TRAK1: variants seen among roughly 807,000 people sequenced by gnomAD.
The protein encoded by TRAK1 is trafficking kinesin protein 1, also known as trafficking kinesin-binding protein 1.
Under a neutral mutation model 92.1 loss-of-function variants are expected in TRAK1, and 33 were observed. That is an observed-to-expected ratio of 0.36 (90% confidence interval 0.27 to 0.48). TRAK1 has a LOEUF of 0.48. Ranked by LOEUF, TRAK1 falls within the 20% of genes least tolerant of loss-of-function variation. The pLI is 0.99. For synonymous variants in TRAK1, 521 were observed against 517.3 expected, an observed-to-expected ratio of 1.01 and a Z score of -0.10; for missense variants, 1,123 against 1,257.9, an observed-to-expected ratio of 0.89 and a Z score of 1.62.
intron 13 of TRAK1, among the ~76,000 whole-genome samples, chr3:42,207,363 C>G (rs1330751179): frequency 6.6e-6 from 1 of 152,180 alleles, no homozygotes; most frequent in Admixed American, 6.5e-5. Flanking sequence ...CCTGGACACC[C>G]ATCTGGAAAT....
At position 42,223,210 on chromosome 3, in the gene TRAK1, C is replaced by G; in HGVS notation, c.2335C>G (p.Pro779Ala). 6.2e-7 allele frequency: 1 copy of G among 1,614,152 alleles called. No individual in the cohort carries two copies. The highest frequency in any genetic ancestry group is 8.5e-7 in the Non-Finnish European group (1 of 1,180,028). The change falls in exon 16 of 16, where the codon CCC becomes GCC. Residue 779 changes from proline to alanine, a missense_variant. This residue lies in a region of TRAK1 where 401 missense variants were observed against 438.9 expected (regional missense o/e 0.91). Transcript: ENST00000327628. This position sits in a 1 kb window ranked among gnomAD's most constrained non-coding sequence, Gnocchi z 6.1. ...CTACACGCCCAAGATGGCTGTGATC[C>G]CCTCTACTCCGCCGAACTCGCCTAT... is the stretch of plus-strand genomic sequence containing the variant. ...HSYTPKMAVI[P>A]STPPNSPMQT...
intron 1 of TRAK1, among the ~76,000 whole-genome samples, chr3:42,078,203 A>G (rs530316748): frequency 4.5e-4 from 68 of 152,306 alleles, no homozygotes; most frequent in African/African-American, 1.6e-3. Flanking sequence ...TGGGGGCTCC[A>G]GAGACAGTTT....
intron 6 of TRAK1, among the ~76,000 whole-genome samples, chr3:42,190,407 C>T (rs1188959192): frequency 6.6e-6 from 1 of 152,148 alleles, no homozygotes; most frequent in Non-Finnish European, 1.5e-5. Context: ...TCTGTTAGAC[C>T]TCACCTCTTC....
intron 1 of TRAK1, among the ~76,000 whole-genome samples, chr3:42,060,010 C>A (rs1703360470): frequency 6.6e-6 from 1 of 152,108 alleles, no homozygotes. Flanking sequence ...TCTTTCTTTC[C>A]CCCTGCATAA....
chr3:42,208,922 A>G (rs1450222610), intron 13 of TRAK1, among the ~76,000 whole-genome samples: 1 of 152,206 alleles, frequency 6.6e-6, no homozygotes, highest in African/African-American at 2.4e-5. Context: ...CAGTAAAAAC[A>G]CTTAACTCAA....
rs1447707181 is a variant in TRAK1 at position 42,194,934 on chromosome 3, T to G, written c.1106T>G (p.Phe369Cys). The part of the protein sequence containing the change: ...TSRRYHSLGL[F>C]PMDSLAAEIE... ...CGGCGCTACCACTCACTGGGCCTGT[T>G]TCCCATGGTGAGCTGTGCTTTCTTC... is the stretch of plus-strand genomic sequence containing the variant. Residue 369 changes from phenylalanine (F) to cysteine (C), a missense_variant, in exon 10 of 16, where the codon TTT (phenylalanine) becomes TGT (cysteine). By Grantham distance (205) the Phe-to-Cys change is radical. This residue lies in a region of TRAK1 where 686 missense variants were observed against 747.6 expected (regional missense o/e 0.92). Coordinates refer to ENST00000327628, the MANE Select transcript of TRAK1 (RefSeq NM_001042646.3). 1.2e-6 allele frequency: 2 copies of G among 1,613,764 alleles called. No homozygotes were observed. Among genetic ancestry groups the G allele is most frequent in the Non-Finnish European group, 1.7e-6 (2 of 1,179,842 alleles).
intron 2 of TRAK1, among the ~76,000 whole-genome samples, chr3:42,172,037 AG>A (rs986947985): frequency 4.6e-5 from 7 of 152,082 alleles, no homozygotes; most frequent in Admixed American, 1.3e-4. Context: ...CAGCCAGCCC[AG>A]GGCTCCTCGT....
intron 6 of TRAK1, among the ~76,000 whole-genome samples, chr3:42,190,489 G>A (rs946876319): frequency 1.3e-5 from 2 of 152,102 alleles, no homozygotes; most frequent in Non-Finnish European, 2.9e-5. Flanking sequence ...TCCTCTGCCA[G>A]CCAGTTGCTG....
intron 1 of TRAK1, among the ~76,000 whole-genome samples, chr3:42,079,429 A>AT (rs1704316633): frequency 7.0e-6 from 1 of 143,590 alleles, no homozygotes; most frequent in Non-Finnish European, 1.5e-5. Context: ...TCTGGTTCTC[A>AT]TTTTCTCCTT....
In TRAK1 at chr3:42,022,691, C is replaced by T. The variant is rs143797167; in HGVS notation, c.-519+8574C>T. ...GAGCCATGATTACACCATTGTACTCCGGCCTAGGCAATGGAAAGAGACCCT... is the reference window on the plus strand; with the variant it reads ...GAGCCATGATTACACCATTGTACTCTGGCCTAGGCAATGGAAAGAGACCCT... On this transcript the variant is annotated intron_variant, in intron 1 of 16. Coordinates refer to the TRAK1 transcript ENST00000487159. Among the ~76,000 whole-genome samples the T allele has an allele frequency of 3.3e-3, 502 of 150,254 alleles. 4 individuals are homozygous for T. The highest frequency in any genetic ancestry group is 0.012 in the African/African-American group (482 of 40,826).
chr3:42,078,097 T>C (rs1014233845), intron 1 of TRAK1, among the ~76,000 whole-genome samples: 4 of 152,162 alleles, frequency 2.6e-5, no homozygotes, highest in Non-Finnish European at 4.4e-5. Context: ...TCCAGGCCTG[T>C]CTGGTATGTT....
At chr3:42,125,008 T>C (rs1710379628) in intron 1 of TRAK1, among the ~76,000 whole-genome samples, 1 of 152,066 alleles carries the variant, frequency 6.6e-6, no homozygotes, top group Non-Finnish European at 1.5e-5. Context: ...AAATTCTAGA[T>C]AGGAGGATAG....
intron 1 of TRAK1, among the ~76,000 whole-genome samples, chr3:42,116,816 G>GA (rs1332713634): frequency 1.3e-5 from 2 of 151,876 alleles, no homozygotes; most frequent in Non-Finnish European, 2.9e-5. Flanking sequence ...GGACAGGGAG[G>GA]AAAAAAATAA....
At chr3:42,137,428 T>C (rs952745368) in intron 2 of TRAK1, among the ~76,000 whole-genome samples, 2 of 152,252 alleles carry the variant, frequency 1.3e-5, no homozygotes, top group Admixed American at 6.5e-5. Flanking sequence ...GAGGGATGTC[T>C]TACCTCTTTC....
chr3:42,062,650 G>T (rs796946806), intron 1 of TRAK1, among the ~76,000 whole-genome samples: 3 of 152,168 alleles, frequency 2.0e-5, no homozygotes, highest in Admixed American at 1.3e-4. Context: ...TTGTGTCAGC[G>T]CTATCTGTAT....
intron 2 of TRAK1, among the ~76,000 whole-genome samples, chr3:42,143,518 A>AG (rs1281835288): frequency 3.3e-5 from 5 of 152,174 alleles, no homozygotes; most frequent in Admixed American, 1.3e-4. Context: ...ATTAGGTCGC[A>AG]GGGGTCTGAG....
chr3:42,158,153 CTGTA>C (rs917784287), intron 2 of TRAK1, among the ~76,000 whole-genome samples: 1 of 152,070 alleles, frequency 6.6e-6, no homozygotes, highest in Non-Finnish European at 1.5e-5. Context: ...ATCTAAGTCT[CTGTA>C]TGTTTCATAA....
intron 6 of TRAK1, 28 bp from the exon 7 acceptor site, chr3:42,191,530 G>C: frequency 6.4e-7 from 1 of 1,565,554 alleles, no homozygotes. Flanking sequence ...TGAGAATGTG[G>C]GGCCTCTGAC....
intron 2 of TRAK1, among the ~76,000 whole-genome samples, chr3:42,175,583 G>A (rs1363352971): frequency 3.3e-5 from 5 of 152,138 alleles, no homozygotes; most frequent in Non-Finnish European, 4.4e-5. Flanking sequence ...TTCAGATTTA[G>A]AACCAGATTT....
Sources: allele counts gnomAD v4.1 joint callset (sites outside exome capture counted in the v4.1 genomes callset), GRCh38; gene constraint gnomAD v4.1.1; regional missense constraint gnomAD v4.1.1; non-coding constraint Gnocchi (gnomAD v3.1); transcripts MANE v1.5; gene names NCBI Gene and HGNC (gene_info 2026-07-23, HGNC 2026-07-21).